FAM76A: variants seen among roughly 807,000 people sequenced by gnomAD.
The protein encoded by FAM76A is family with sequence similarity 76 member A.
Under a neutral mutation model 46.2 loss-of-function variants are expected in FAM76A, and 32 were observed. That is an observed-to-expected ratio of 0.69 (90% confidence interval 0.52 to 0.93). The LOEUF (loss-of-function observed/expected upper bound fraction) is 0.93, where lower values mean the gene tolerates loss of function less well. Among genes scored for constraint, FAM76A ranks in the 40% least tolerant of loss-of-function variants. The probability of loss-of-function intolerance (pLI) is 0.00; values close to 1 mark genes in which losing one functional copy is unlikely to be tolerated. For synonymous variants in FAM76A, 137 were observed against 127.0 expected (o/e 1.08, Z -0.53); for missense variants, 274 against 361.5 (o/e 0.76, Z 1.96).
At chr1:27,728,104 C>A (rs1352336166) in intron 2 of FAM76A, among the ~76,000 whole-genome samples, 1 of 151,790 alleles carries the variant, frequency 6.6e-6, no homozygotes, top group East Asian at 1.9e-4. Flanking sequence ...CCACGCCCAG[C>A]CTGCTTAAAT....
rs1051010321 is a variant in FAM76A, at chr1:27,749,127, T to G, written c.572T>G (p.Phe191Cys). Reference sequence around the variant, plus strand: ...GAAATCCCAAAGAAAAAGTCCAAGTTTGAGTCAATCACAACTAATGGAGAC... The same window carrying G: ...GAAATCCCAAAGAAAAAGTCCAAGTGTGAGTCAATCACAACTAATGGAGAC... ...QNEIPKKKSK[F>C]ESITTNGDSF... The change falls in exon 6 of 9, where the codon TTT becomes TGT. Residue 191 changes from phenylalanine to cysteine, a missense_variant. Physicochemically the swap from Phe to Cys is radical, Grantham distance 205 (BLOSUM62 -2). Transcript: ENST00000373954. The G allele has an allele frequency of 1.2e-6, 2 of 1,606,958 alleles. No individual in the cohort carries two copies. Among genetic ancestry groups the G allele is most frequent in the African/African-American group, 2.7e-5 (2 of 74,628 alleles).
rs150572843 is a variant in FAM76A at position 27,728,445 on chromosome 1, C to T, written c.146+909C>T. On this transcript the variant is annotated intron_variant, in intron 2 of 8. Transcript: ENST00000373954. ...ATGGCTCACTGCAGCCTGGACCTCC[C>T]GGGCCCAAGTGATCCTCCCACCTCA... Among the ~76,000 whole-genome samples the T allele has an allele frequency of 5.4e-3, 816 of 152,142 alleles. 4 individuals are homozygous for T. Among genetic ancestry groups the T allele is most frequent in the South Asian group, 7.1e-3 (34 of 4,818 alleles).
At chr1:27,734,464 T>G (rs527946310) in intron 4 of FAM76A, among the ~76,000 whole-genome samples, 1 of 152,058 alleles carries the variant, frequency 6.6e-6, no homozygotes, top group Non-Finnish European at 1.5e-5. Flanking sequence ...GAAGAATCAC[T>G]TGAACCCGGG....
intron 5 of FAM76A, among the ~76,000 whole-genome samples, chr1:27,748,500 C>T (rs2088281332): frequency 8.0e-6 from 1 of 124,244 alleles, no homozygotes; most frequent in Non-Finnish European, 1.6e-5. Context: ...GAGGCGGAGT[C>T]TCGCCAGGCT....
intron 1 of FAM76A, 108 bp from the exon 2 acceptor site, chr1:27,727,364 C>T (rs749784201): frequency 3.6e-6 from 3 of 825,742 alleles, no homozygotes; most frequent in Non-Finnish European, 6.1e-6. Flanking sequence ...TTAAGTGACT[C>T]ACTCAAGCAT....
intron 2 of FAM76A, among the ~76,000 whole-genome samples, chr1:27,731,803 ACT>A (rs2087961962): frequency 6.6e-6 from 1 of 151,666 alleles, no homozygotes; most frequent in Non-Finnish European, 1.5e-5. Context: ...GAAATAACTC[ACT>A]CTCCATTTTA....
At chr1:27,737,514 AG>A (rs2088069447) in intron 4 of FAM76A, among the ~76,000 whole-genome samples, 1 of 152,076 alleles carries the variant, frequency 6.6e-6, no homozygotes, top group Admixed American at 6.6e-5. Flanking sequence ...CAGGAGTTCA[AG>A]ACCAGCCTGG....
chr1:27,747,730 C>T (rs1557783604), intron 5 of FAM76A, among the ~76,000 whole-genome samples: 1 of 152,008 alleles, frequency 6.6e-6, no homozygotes, highest in African/African-American at 2.4e-5. Context: ...TAGCTTGGCT[C>T]ACATGGTGAA....
Position 27,760,504 on chromosome 1 carries a change from C to T in FAM76A, c.847C>T (p.Arg283Ter), listed in dbSNP as rs766284508. The T allele has an allele frequency of 3.7e-6, 6 of 1,609,894 alleles. No homozygotes were observed. Among genetic ancestry groups the T allele is most frequent in the South Asian group, 2.2e-5 (2 of 90,664 alleles). ...EVTEQLQAKNRELLKQAAALS... is the reference protein window; with the variant it reads ...EVTEQLQAKN ...TTTTTTTTTTCTTTAGGCCAAAAAC[C>T]GAGAGCTCCTGAAGCAGGCAGCTGC... is the stretch of plus-strand genomic sequence containing the variant. The change falls in exon 9 of 9, where the codon CGA becomes TGA. Residue 283 changes from arginine to a stop codon, truncating the protein, a stop_gained. Coordinates refer to ENST00000373954, the MANE Select transcript of FAM76A (RefSeq NM_152660.3). LOFTEE classifies it high-confidence loss of function.
chr1:27,744,209 A>G (rs2088203207), intron 4 of FAM76A, among the ~76,000 whole-genome samples: 1 of 151,908 alleles, frequency 6.6e-6, no homozygotes, highest in Non-Finnish European at 1.5e-5. Context: ...GCTCACCACA[A>G]CCTCCGCCTC....
At chr1:27,759,780 T>TTTTTTTTTTTTTTTTTTTTTTTG (rs1491150258) in intron 8 of FAM76A, 153 bp downstream of exon 8, 1 of 498,968 alleles carries the variant, frequency 2.0e-6, no homozygotes, top group African/African-American at 2.9e-5. Context: ...TTTTTTTTTG[T>TTTTTTTTTTTTTTTTTTTTTTTG]TTTTTTTTTG....
At chr1:27,728,295 A>C (rs183845307) in intron 2 of FAM76A, among the ~76,000 whole-genome samples, 1 of 152,308 alleles carries the variant, frequency 6.6e-6, no homozygotes, top group Non-Finnish European at 1.5e-5. Flanking sequence ...AATCCTGATA[A>C]GAGTTTGCTA....
At chr1:27,741,882 CAAA>C (rs755613015) in intron 4 of FAM76A, among the ~76,000 whole-genome samples, 4 of 109,596 alleles carry the variant, frequency 3.6e-5, no homozygotes, top group African/African-American at 4.3e-5. Context: ...GACTCTATCT[CAAA>C]AAAAAAAAAA....
At chr1:27,737,201 A>G (rs2088063538) in intron 4 of FAM76A, among the ~76,000 whole-genome samples, 1 of 152,094 alleles carries the variant, frequency 6.6e-6, no homozygotes, top group Non-Finnish European at 1.5e-5. Flanking sequence ...TACCCGCCTC[A>G]GCCTCCCAAA....
chr1:27,736,745 G>A (rs898999281), intron 4 of FAM76A, among the ~76,000 whole-genome samples: 14 of 151,656 alleles, frequency 9.2e-5, no homozygotes, highest in African/African-American at 1.7e-4. Context: ...ACGCCACCAC[G>A]CCTGGCTAAT....
Position 27,736,522 on chromosome 1 carries a change from A to T in FAM76A, c.354+2339A>T, listed in dbSNP as rs1284895813. ...TAAAACTCTTAGAACGGAATCTGGT[A>T]CATGAAAAATACTCAGTGTTATCTA... On this transcript the variant is annotated intron_variant, in intron 4 of 8. Transcript: ENST00000373954. Among the ~76,000 whole-genome samples, 4 of 152,222 alleles carry T rather than the reference A, an allele frequency of 2.6e-5. 1 individual carries two copies. Among genetic ancestry groups the T allele is most frequent in the Non-Finnish European group, 5.9e-5 (4 of 68,042 alleles).
At chr1:27,732,732 G>A in intron 3 of FAM76A, 75 bp downstream of exon 3, 1 of 1,091,510 alleles carries the variant, frequency 9.2e-7, no homozygotes, top group Non-Finnish European at 1.3e-6. Flanking sequence ...GCCTACTAAT[G>A]CCATTACAAT....
intron 4 of FAM76A, chr1:27,740,111 C>T: frequency 2.3e-6 from 1 of 438,656 alleles, no homozygotes. Context: ...TGGTAGAAAG[C>T]TTTCAAAAGC....
chr1:27,737,393 G>A (rs1453823703), intron 4 of FAM76A, among the ~76,000 whole-genome samples: 2 of 152,262 alleles, frequency 1.3e-5, no homozygotes, highest in East Asian at 1.9e-4. Context: ...GCTCTTACCT[G>A]GGGAAGGTCT....
Sources: allele counts gnomAD v4.1 joint callset (sites outside exome capture counted in the v4.1 genomes callset), GRCh38; gene constraint gnomAD v4.1.1; transcripts MANE v1.5; gene names NCBI Gene and HGNC (gene_info 2026-07-23, HGNC 2026-07-21).